The following SSH2 variants were observed in gnomAD, a reference collection of about 807,000 sequenced individuals.
SSH2 encodes protein phosphatase Slingshot homolog 2.
In SSH2, 37 loss-of-function variants were observed where a neutral mutation model predicts 135.2. That is an observed-to-expected ratio of 0.27 (90% confidence interval 0.21 to 0.36). The LOEUF (loss-of-function observed/expected upper bound fraction) is 0.36, where lower values mean the gene tolerates loss of function less well. Among genes scored for constraint, SSH2 ranks in the 10% least tolerant of loss-of-function variants. The probability of loss-of-function intolerance (pLI) is 1.00; values close to 1 mark genes in which losing one functional copy is unlikely to be tolerated. For synonymous variants in SSH2, 628 were observed against 646.2 expected (o/e 0.97, Z 0.43); for missense variants, 1,408 against 1,765.3 (o/e 0.80, Z 3.63).
At chr17:29,659,171 T>G (rs1343241261) in intron 11 of SSH2, among the ~76,000 whole-genome samples, 1 of 152,174 alleles carries the variant, frequency 6.6e-6, no homozygotes, top group Non-Finnish European at 1.5e-5. Context: ...ACTTCATGAG[T>G]ACTGATATAA....
chr17:29,837,023 G>A (rs1398485279), intron 2 of SSH2, among the ~76,000 whole-genome samples: 5 of 152,110 alleles, frequency 3.3e-5, no homozygotes, highest in Admixed American at 6.5e-5. Flanking sequence ...TTGGGAGGCC[G>A]AGGAGGGCGG....
At chr17:29,798,958 T>G (rs1414441259) in intron 2 of SSH2, among the ~76,000 whole-genome samples, 1 of 152,248 alleles carries the variant, frequency 6.6e-6, no homozygotes, top group Non-Finnish European at 1.5e-5. Flanking sequence ...TTTATTCCCT[T>G]GTTTTTTAAA....
intron 2 of SSH2, among the ~76,000 whole-genome samples, chr17:29,818,165 A>AT (rs1051850472): frequency 6.6e-6 from 1 of 150,462 alleles, no homozygotes; most frequent in South Asian, 2.1e-4. Context: ...TATTTGTATT[A>AT]TTTTTTATTA....
chr17:29,852,825 T>TAGGC (rs2065588893), intron 1 of SSH2, among the ~76,000 whole-genome samples: 1 of 151,276 alleles, frequency 6.6e-6, no homozygotes, highest in Non-Finnish European at 1.5e-5. Context: ...GCTGGGATTA[T>TAGGC]AGGCGTGAGC....
intron 11 of SSH2, among the ~76,000 whole-genome samples, chr17:29,659,236 T>G (rs1273111900): frequency 6.6e-6 from 1 of 152,214 alleles, no homozygotes; most frequent in East Asian, 1.9e-4. Flanking sequence ...GGAAGCAGGT[T>G]TGCTAGGTCA....
At chr17:29,903,893 G>A (rs2066605858) in intron 1 of SSH2, among the ~76,000 whole-genome samples, 1 of 152,132 alleles carries the variant, frequency 6.6e-6, no homozygotes, top group African/African-American at 2.4e-5. Flanking sequence ...CTAAACAAAT[G>A]TTGCATCATT....
At chr17:29,830,553 G>C (rs1395664119) in intron 2 of SSH2, among the ~76,000 whole-genome samples, 3 of 152,134 alleles carry the variant, frequency 2.0e-5, no homozygotes, top group African/African-American at 7.2e-5. Context: ...TTCTCCACTA[G>C]AGTATAAGTT....
At chr17:29,842,388 A>G (rs2043057498) in intron 2 of SSH2, among the ~76,000 whole-genome samples, 1 of 150,754 alleles carries the variant, frequency 6.6e-6, no homozygotes, top group Non-Finnish European at 1.5e-5. Context: ...TGGGAGGCGC[A>G]GGTTGCAGTG....
At chr17:29,897,852 T>C (rs1404738989) in intron 1 of SSH2, among the ~76,000 whole-genome samples, 5 of 152,134 alleles carry the variant, frequency 3.3e-5, no homozygotes, top group African/African-American at 1.2e-4. Context: ...ACTGCACTTA[T>C]TCCAAAATTG....
intron 3 of SSH2, among the ~76,000 whole-genome samples, chr17:29,778,456 A>G (rs1412903702): frequency 2.0e-5 from 3 of 152,192 alleles, no homozygotes; most frequent in Middle Eastern, 3.4e-3. Context: ...CCTGGCCAAC[A>G]TGGTAAAACC....
At chr17:29,664,822 T>C (rs1449400808) in intron 11 of SSH2, among the ~76,000 whole-genome samples, 1 of 152,202 alleles carries the variant, frequency 6.6e-6, no homozygotes, top group Admixed American at 6.5e-5. Flanking sequence ...CTTACAATAC[T>C]ATTAAAATTT....
intron 3 of SSH2, among the ~76,000 whole-genome samples, chr17:29,760,769 G>A (rs2041265210): frequency 6.6e-6 from 1 of 151,230 alleles, no homozygotes; most frequent in South Asian, 2.1e-4. Flanking sequence ...CTCACCAGCA[G>A]GACCCACAGG....
intron 1 of SSH2, among the ~76,000 whole-genome samples, chr17:29,903,503 A>G (rs1269987103): frequency 3.3e-5 from 5 of 151,160 alleles, no homozygotes; most frequent in Non-Finnish European, 7.4e-5. Flanking sequence ...AGACAAGCCT[A>G]TTTTTACTGC....
intron 2 of SSH2, among the ~76,000 whole-genome samples, chr17:29,821,667 G>A (rs1227033389): frequency 2.3e-4 from 35 of 149,212 alleles, no homozygotes; most frequent in African/African-American, 7.9e-4. Flanking sequence ...TTTTTTTGAG[G>A]TGGAGTCTCG....
At position 29,720,771 on chromosome 17, in the gene SSH2, G is replaced by GA. The variant is rs535843911; in HGVS notation, c.189-17710_189-17709insT. ...TGATGGAGGAGGAGGAACAGGAGGA[G>GA]GAAGAGAAAAAAATAGCAAAAGGCA... On this transcript the variant is annotated intron_variant, in intron 3 of 15. Transcript: ENST00000540801. 3.6e-3 allele frequency among the ~76,000 whole-genome samples: 547 copies of GA among 152,094 alleles called. 2 individuals are homozygous for GA. Among genetic ancestry groups the GA allele is most frequent in the African/African-American group, 0.012 (500 of 41,490 alleles).
chr17:29,667,368 G>A lies in SSH2; in HGVS notation c.810-145C>T, dbSNP rs2037322022. On this transcript the variant is annotated intron_variant, in intron 9 of 15. Coordinates refer to ENST00000540801, the MANE Select transcript of SSH2 (RefSeq NM_001282129.2). ...CGGTTCTAGAGATCAACAACTTAGA[G>A]CGTGGGTCCCCAGTGAGTACCGGTC... 4 of 643,352 alleles carry A rather than the reference G, an allele frequency of 6.2e-6. No individual in the cohort carries two copies. The Admixed American group carries it at 1.2e-4, about 19-fold the overall frequency. 39.9% of individuals were successfully genotyped at this position (643,352 alleles called of 1,614,324 possible).
chr17:29,646,182 C>T (rs1283417450), intron 14 of SSH2, among the ~76,000 whole-genome samples: 3 of 152,196 alleles, frequency 2.0e-5, no homozygotes, highest in Non-Finnish European at 4.4e-5. Context: ...ATATCTGATG[C>T]TTGTTCCTGC....
intron 15 of SSH2, among the ~76,000 whole-genome samples, chr17:29,634,567 T>G (rs2035816617): frequency 7.0e-6 from 1 of 143,762 alleles, no homozygotes; most frequent in African/African-American, 2.6e-5. Context: ...TTATTATTAT[T>G]TTTTGAGACG....
chr17:29,643,163 C>T lies in SSH2; in HGVS notation c.1427+4981G>A, dbSNP rs1417139381. The T allele has an allele frequency of 3.0e-6, 3 of 985,184 alleles. No homozygotes were observed. The African/African-American group carries it at 5.2e-5, about 17-fold the overall frequency. 61.0% of individuals were successfully genotyped at this position (985,184 alleles called of 1,614,324 possible). A position where few individuals can be genotyped will look rare whatever the true frequency, so the allele number is the denominator to read the frequency against. Reference sequence around the variant, plus strand: ...AGGAGTCTGGAGATTTTTTTCTTTGCTCTTCTAAGCAGGCAGATCTGGAGT... The same window carrying T: ...AGGAGTCTGGAGATTTTTTTCTTTGTTCTTCTAAGCAGGCAGATCTGGAGT... On this transcript the variant is annotated intron_variant, in intron 14 of 15. Coordinates refer to ENST00000540801, the MANE Select transcript of SSH2 (RefSeq NM_001282129.2).
Sources: allele counts gnomAD v4.1 joint callset (sites outside exome capture counted in the v4.1 genomes callset), GRCh38; gene constraint gnomAD v4.1.1; transcripts MANE v1.5; gene names NCBI Gene and HGNC (gene_info 2026-07-23, HGNC 2026-07-21).